The following P2RY2 variants were observed in gnomAD, a reference collection of about 807,000 sequenced individuals.
P2RY2 encodes P2Y purinoceptor 2.
For missense variants in P2RY2, 567 were observed against 515.7 expected, an observed-to-expected ratio of 1.10 and a Z score of -0.96; for synonymous variants, 241 against 231.9, an observed-to-expected ratio of 1.04 and a Z score of -0.35.
intron 1 of P2RY2, among the ~76,000 whole-genome samples, chr11:73,225,390 C>A (rs1205959009): frequency 1.3e-5 from 2 of 152,218 alleles, no homozygotes; most frequent in Non-Finnish European, 2.9e-5. Context: ...CACTGGTGAC[C>A]TTGGGTGAGA....
intron 1 of P2RY2, among the ~76,000 whole-genome samples, chr11:73,219,687 C>T (rs777232553): frequency 6.6e-6 from 1 of 152,258 alleles, no homozygotes; most frequent in Admixed American, 6.5e-5. Context: ...GGCCTGCCAG[C>T]CTTTCCAGCC....
At chr11:73,227,049 A>T (rs1443873381) in intron 1 of P2RY2, among the ~76,000 whole-genome samples, 2 of 151,990 alleles carry the variant, frequency 1.3e-5, no homozygotes, top group African/African-American at 4.8e-5. Flanking sequence ...CACCTACATT[A>T]GGTATTTCTC....
In P2RY2 at chr11:73,236,353, T is replaced by C. The variant is rs1862652355; in HGVS notation, c.*1060T>C. ...ACATGATGTCAACTTCCTTGTAAAA[T>C]TCCTGAAAATTTAACAATTGGTTCT... On this transcript the variant is annotated 3_prime_UTR_variant, in exon 3 of 3. Coordinates refer to ENST00000393597, the MANE Select transcript of P2RY2 (RefSeq NM_002564.4). 2.7e-6 allele frequency: 1 copy of C among 369,204 alleles called. No individual in the cohort carries two copies. The highest frequency in any genetic ancestry group is 2.2e-5 in the African/African-American group (1 of 45,232). The allele number at this position is 369,204 out of a possible 1,614,324, so 22.9% of individuals were successfully genotyped here. A position where few individuals can be genotyped will look rare whatever the true frequency, so the allele number is the denominator to read the frequency against.
Position 73,234,792 on chromosome 11 carries a change from T to A in P2RY2, c.633T>A (p.Phe211Leu). Reference protein sequence around the residue: ...VMLGLLFAVPFAVILVCYVLM... With the variant: ...VMLGLLFAVPLAVILVCYVLM... Reference sequence around the variant, plus strand: ...TGGGCCTGCTCTTCGCGGTGCCCTTTGCCGTCATCCTTGTCTGTTACGTGC... The same window carrying A: ...TGGGCCTGCTCTTCGCGGTGCCCTTAGCCGTCATCCTTGTCTGTTACGTGC... Residue 211 changes from phenylalanine (F) to leucine (L), a missense_variant, in exon 3 of 3, where the codon TTT becomes TTA. Transcript: ENST00000393597. The A allele has an allele frequency of 6.2e-7, 1 of 1,612,004 alleles. No individual in the cohort carries two copies. Among genetic ancestry groups the A allele is most frequent in the South Asian group, 1.1e-5 (1 of 91,092 alleles).
rs545991465 is a variant in P2RY2, at chr11:73,231,110, G to A, written c.-5+2935G>A. ...ACTTGGCACCACATAAGCATCTCCC[G>A]GCCTCCTCGCCCTGGTTTTGCCCTG... On this transcript the variant is annotated intron_variant, in intron 2 of 2. Transcript: ENST00000393597. Among the ~76,000 whole-genome samples, 21 of 152,228 alleles carry A rather than the reference G, an allele frequency of 1.4e-4. No individual in the cohort carries two copies. In the South Asian group the frequency reaches 1.9e-3, roughly 14 times the overall value.
chr11:73,234,340 C>T lies in P2RY2; in HGVS notation c.181C>T (p.Arg61Cys), dbSNP rs1441881669. Residue 61 changes from arginine to cysteine, a missense_variant, in exon 3 of 3, where the codon CGC becomes TGC. Coordinates refer to ENST00000393597, the MANE Select transcript of P2RY2 (RefSeq NM_002564.4). ...CGTGGCGCTCTACATCTTCTTGTGC[C>T]GCCTCAAGACCTGGAATGCGTCCAC... is the stretch of plus-strand genomic sequence containing the variant. ...NAVALYIFLC[R>C]LKTWNASTTY... 4.3e-6 allele frequency: 7 copies of T among 1,614,056 alleles called. No individual in the cohort carries two copies. The highest frequency in any genetic ancestry group is 5.9e-6 in the Non-Finnish European group (7 of 1,180,050).
Position 73,234,617 on chromosome 11 carries a change from TGGCCG to T in P2RY2, c.461_465del (p.Ala154GlyfsTer83). On this transcript the variant is annotated frameshift_variant, in exon 3 of 3. Transcript: ENST00000393597. LOFTEE classifies it low-confidence loss of function (END_TRUNC). ...GGCCGGGCCCGCTACGCTCGCCGGG[TGGCCG>T]GGGCCGTGTGGGTGTTGGTGCTGGC... 2 of 1,565,892 alleles carry T rather than the reference TGGCCG, an allele frequency of 1.3e-6. No individual in the cohort carries two copies. Among genetic ancestry groups the T allele is most frequent in the Non-Finnish European group, 1.7e-6 (2 of 1,155,278 alleles).
Position 73,240,398 on chromosome 11 carries a change from C to G in P2RY2, c.*5105C>G, listed in dbSNP as rs1249828057. On this transcript the variant is annotated 3_prime_UTR_variant, in exon 3 of 3. Transcript: ENST00000393597. ...ATATCTCCTGCCCCTAGTTTCCAAG[C>G]CTCTTTGCCCTGCTCCTCACCTCCT... is the stretch of plus-strand genomic sequence containing the variant. 1 of 153,478 alleles carries G rather than the reference C, an allele frequency of 6.5e-6. No homozygotes were observed. Among genetic ancestry groups the G allele is most frequent in the Non-Finnish European group, 1.4e-5 (1 of 69,032 alleles). 9.5% of individuals were successfully genotyped at this position (153,478 alleles called of 1,614,324 possible).
chr11:73,240,067 C>G lies in P2RY2; in HGVS notation c.*4774C>G, dbSNP rs1156470316. ...GCAACTTGGGGGAGTCACTGTCCCT[C>G]TCTGGGCCTCGCTTTCCCCATCTTC... On this transcript the variant is annotated 3_prime_UTR_variant, in exon 3 of 3. Coordinates refer to ENST00000393597, the MANE Select transcript of P2RY2 (RefSeq NM_002564.4). 2 of 152,394 alleles carry G rather than the reference C, an allele frequency of 1.3e-5. No individual in the cohort carries two copies. Among genetic ancestry groups the G allele is most frequent in the Non-Finnish European group, 2.9e-5 (2 of 68,178 alleles). The allele number at this position is 152,394 out of a possible 1,614,324, so 9.4% of individuals were successfully genotyped here.
chr11:73,222,196 T>C (rs1280503816), intron 1 of P2RY2, among the ~76,000 whole-genome samples: 2 of 152,096 alleles, frequency 1.3e-5, no homozygotes, highest in Non-Finnish European at 2.9e-5. Flanking sequence ...GGGCTTTATG[T>C]GGCCTCTCCC....
At chr11:73,218,959 G>C (rs1862043809) in intron 1 of P2RY2, among the ~76,000 whole-genome samples, 1 of 152,216 alleles carries the variant, frequency 6.6e-6, no homozygotes, top group Non-Finnish European at 1.5e-5. Context: ...GGAGTGGCCA[G>C]AAAGGACAGT....
Position 73,235,213 on chromosome 11 carries a change from G to C in P2RY2, c.1054G>C (p.Val352Leu). 3.7e-6 allele frequency: 6 copies of C among 1,611,790 alleles called. No homozygotes were observed. Among genetic ancestry groups the C allele is most frequent in the Non-Finnish European group, 5.1e-6 (6 of 1,179,038 alleles). The part of the protein sequence containing the change: ...DRTDMQRIED[V>L]LGSSEDSRRT... ...AACTGACATGCAGAGGATAGAAGAT[G>C]TGTTGGGCAGCAGTGAGGACTCTAG... Residue 352 changes from valine to leucine, a missense_variant, in exon 3 of 3, where the codon GTG becomes CTG. Transcript: ENST00000393597.
At position 73,234,791 on chromosome 11, in the gene P2RY2, T is replaced by A; in HGVS notation, c.632T>A (p.Phe211Tyr). The change falls in exon 3 of 3, where the codon TTT becomes TAT. Residue 211 changes from phenylalanine to tyrosine, a missense_variant. Physicochemically the swap from Phe to Tyr is conservative, Grantham distance 22. Coordinates refer to ENST00000393597, the MANE Select transcript of P2RY2 (RefSeq NM_002564.4). ...VMLGLLFAVP[F>Y]AVILVCYVLM... ...CTGGGCCTGCTCTTCGCGGTGCCCT[T>A]TGCCGTCATCCTTGTCTGTTACGTG... 1 of 1,611,952 alleles carries A rather than the reference T, an allele frequency of 6.2e-7. No individual in the cohort carries two copies. Among genetic ancestry groups the A allele is most frequent in the Non-Finnish European group, 8.5e-7 (1 of 1,179,952 alleles).
chr11:73,231,868 G>A (rs1862469557), intron 2 of P2RY2, among the ~76,000 whole-genome samples: 1 of 152,012 alleles, frequency 6.6e-6, no homozygotes, highest in South Asian at 2.1e-4. Context: ...TGGCCAACAT[G>A]GTGAAACCCC....
chr11:73,235,479 C>A lies in P2RY2; in HGVS notation c.*186C>A. On this transcript the variant is annotated 3_prime_UTR_variant, in exon 3 of 3. Transcript: ENST00000393597. ...GTCCAGAGTCAACTGTTCCCATAAC[C>A]CCTAGTCATCGTTTGTGTGTATAAG... 2 of 1,341,044 alleles carry A rather than the reference C, an allele frequency of 1.5e-6. No homozygotes were observed. Among genetic ancestry groups the A allele is most frequent in the Non-Finnish European group, 1.9e-6 (2 of 1,043,810 alleles). The allele number at this position is 1,341,044 out of a possible 1,614,324, so 83.1% of individuals were successfully genotyped here.
intron 1 of P2RY2, among the ~76,000 whole-genome samples, chr11:73,221,749 G>C (rs969863331): frequency 1.3e-5 from 2 of 152,172 alleles, no homozygotes; most frequent in Non-Finnish European, 2.9e-5. Context: ...ATAGGAGGAG[G>C]CTGGCTGTGT....
At chr11:73,218,996 C>T (rs1862044998) in intron 1 of P2RY2, among the ~76,000 whole-genome samples, 1 of 152,182 alleles carries the variant, frequency 6.6e-6, no homozygotes, top group Non-Finnish European at 1.5e-5. Flanking sequence ...GGCTTTTAAT[C>T]TGGCAAATGG....
chr11:73,234,660 C>T lies in P2RY2; in HGVS notation c.501C>T (p.Pro167=). The part of the protein sequence containing the change: ...VWVLVLACQA[P]VLYFVTTSAR... ...TGTTGGTGCTGGCCTGCCAGGCCCC[C>T]GTGCTCTACTTTGTCACCACCAGCG... The change falls in exon 3 of 3, where the codon CCC becomes CCT. Residue 167 remains proline (P), a synonymous_variant. Coordinates refer to ENST00000393597, the MANE Select transcript of P2RY2 (RefSeq NM_002564.4). 1 of 1,586,002 alleles carries T rather than the reference C, an allele frequency of 6.3e-7. No homozygotes were observed.
intron 1 of P2RY2, among the ~76,000 whole-genome samples, chr11:73,224,447 C>T (rs1862218502): frequency 2.6e-5 from 4 of 152,236 alleles, no homozygotes; most frequent in African/African-American, 9.6e-5. Flanking sequence ...CATCACCCCT[C>T]CAATCCTGTT....
Sources: gnomAD v4.1 joint callset for allele counts (sites outside exome capture counted in the v4.1 genomes callset) on GRCh38, gnomAD v4.1.1 for gene constraint, MANE v1.5 for transcripts, NCBI Gene and HGNC (gene_info 2026-07-23, HGNC 2026-07-21) for gene names.